PLSCR5: variants seen among roughly 807,000 people sequenced by gnomAD.
The protein encoded by PLSCR5 is phospholipid scramblase family, member 5.
A neutral mutation model predicts 33.6 loss-of-function variants in PLSCR5; 44 were observed. The observed-to-expected ratio is 1.31, with a 90% confidence interval of 1.03 to 1.69. The LOEUF is 1.69. Ranked by LOEUF, PLSCR5 falls within the 40% of genes most tolerant of loss-of-function variation. The pLI, the probability that PLSCR5 is intolerant of heterozygous loss-of-function variation, is 0.00. For synonymous variants in PLSCR5, 148 were observed against 112.3 expected (o/e 1.32, Z -2.01); for missense variants, 375 against 318.7 (o/e 1.18, Z -1.34).
At chr3:146,593,534 C>T (rs867570311) in intron 4 of PLSCR5, among the ~76,000 whole-genome samples, 10 of 152,076 alleles carry the variant, frequency 6.6e-5, no homozygotes, top group Non-Finnish European at 1.3e-4. Context: ...CAAGAGGATA[C>T]CTTAGAGGAG....
chr3:146,590,948 A>G (rs929750122), intron 5 of PLSCR5, among the ~76,000 whole-genome samples: 3 of 149,460 alleles, frequency 2.0e-5, no homozygotes, highest in Admixed American at 6.7e-5. Flanking sequence ...ACAACTTTCT[A>G]TTTTTTAAAT....
Position 146,585,928 on chromosome 3 carries a change from G to A in PLSCR5, c.*59C>T. ...TCAAACCATTCAGAAATGAAATCCA[G>A]AGCCCAAGGGATTTCTAGAAGAAAA... On this transcript the variant is annotated 3_prime_UTR_variant, in exon 8 of 8. Coordinates refer to ENST00000443512, the MANE Select transcript of PLSCR5 (RefSeq NM_001085420.2). 1 of 807,110 alleles carries A rather than the reference G, an allele frequency of 1.2e-6. No individual in the cohort carries two copies. Among genetic ancestry groups the A allele is most frequent in the South Asian group, 2.3e-5 (1 of 44,312 alleles). The allele number at this position is 807,110 out of a possible 1,614,324, so 50.0% of individuals were successfully genotyped here.
intron 1 of PLSCR5, among the ~76,000 whole-genome samples, chr3:146,603,355 A>G (rs937916617): frequency 3.3e-5 from 5 of 152,138 alleles, no homozygotes; most frequent in African/African-American, 1.2e-4. Context: ...CCTCTTAAAC[A>G]AGATATCTAA....
At position 146,594,230 on chromosome 3, in the gene PLSCR5, G is replaced by A. The variant is rs542121401; in HGVS notation, c.233-90C>T. 7.2e-4 allele frequency: 640 copies of A among 888,574 alleles called. 5 individuals carry two copies. Among genetic ancestry groups the A allele is most frequent in the Middle Eastern group, 5.5e-3 (16 of 2,884 alleles). 55.0% of individuals were successfully genotyped at this position (888,574 alleles called of 1,614,324 possible). On this transcript the variant is annotated intron_variant, in intron 3 of 7. Coordinates refer to ENST00000443512, the MANE Select transcript of PLSCR5 (RefSeq NM_001085420.2). ...GGGGAGATGTTATTAAAAGAATACAGTGTCTGATCAATTATTAAATATATG... is the reference window on the plus strand; with the variant it reads ...GGGGAGATGTTATTAAAAGAATACAATGTCTGATCAATTATTAAATATATG...
intron 2 of PLSCR5, among the ~76,000 whole-genome samples, chr3:146,598,567 A>T (rs566479252): frequency 6.6e-6 from 1 of 152,342 alleles, no homozygotes; most frequent in East Asian, 1.9e-4. Flanking sequence ...TATTGAACAC[A>T]ACAAAAATGT....
At chr3:146,577,466 A>G (rs2044605813) in intron 7 of PLSCR5, among the ~76,000 whole-genome samples, 1 of 152,136 alleles carries the variant, frequency 6.6e-6, no homozygotes, top group Admixed American at 6.6e-5. Context: ...CTGATGGTTT[A>G]GCTCTTAAAT....
At chr3:146,593,253 G>C (rs2107853585) in intron 4 of PLSCR5, among the ~76,000 whole-genome samples, 1 of 152,198 alleles carries the variant, frequency 6.6e-6, no homozygotes, top group South Asian at 2.1e-4. Flanking sequence ...CTAGCTCCTA[G>C]AGATTTCATG....
intron 7 of PLSCR5, among the ~76,000 whole-genome samples, chr3:146,578,715 G>C (rs1201999164): frequency 6.6e-6 from 1 of 151,880 alleles, no homozygotes; most frequent in African/African-American, 2.4e-5. Context: ...TTAATGCTAG[G>C]CTTTATATAT....
At chr3:146,600,916 C>A (rs1001559545) in intron 1 of PLSCR5, among the ~76,000 whole-genome samples, 2 of 147,590 alleles carry the variant, frequency 1.4e-5, no homozygotes, top group Non-Finnish European at 3.0e-5. Context: ...ACATACAAAT[C>A]GATGTTACTT....
chr3:146,594,661 T>G (rs2044743279), intron 3 of PLSCR5, among the ~76,000 whole-genome samples: 1 of 152,124 alleles, frequency 6.6e-6, no homozygotes, highest in Non-Finnish European at 1.5e-5. Context: ...TGTAGATTCT[T>G]AAATAATTTG....
At chr3:146,598,801 T>C (rs2044785037) in intron 2 of PLSCR5, among the ~76,000 whole-genome samples, 1 of 152,212 alleles carries the variant, frequency 6.6e-6, no homozygotes, top group Admixed American at 6.5e-5. Flanking sequence ...GATGGTAGGT[T>C]TGCGTTTCCA....
intron 2 of PLSCR5, among the ~76,000 whole-genome samples, chr3:146,600,083 A>G (rs1222413724): frequency 6.6e-6 from 1 of 152,210 alleles, no homozygotes. Context: ...ATAAATAAGG[A>G]AGATAAAAGT....
chr3:146,578,944 G>GT (rs1184074388), intron 7 of PLSCR5, among the ~76,000 whole-genome samples: 1 of 151,656 alleles, frequency 6.6e-6, no homozygotes, highest in Non-Finnish European at 1.5e-5. Flanking sequence ...AGTTACTATG[G>GT]TTTTTTCCAT....
In PLSCR5 at chr3:146,577,758, A is replaced by G. The variant is rs138391938; in HGVS notation, c.*45-1033T>C. Among the ~76,000 whole-genome samples, 780 of 152,240 alleles carry G rather than the reference A, an allele frequency of 5.1e-3. 5 individuals carry two copies. Among genetic ancestry groups the G allele is most frequent in the African/African-American group, 0.018 (744 of 41,556 alleles). The stretch of plus-strand genomic sequence containing the variant: ...TTTTACCCTTCTACACACAAAATTG[A>G]TGTGTTTTATTTCCCAGATTACAGA... On this transcript the variant is annotated intron_variant, in intron 7 of 7. Transcript: ENST00000482567.
chr3:146,582,139 G>A (rs1164957153), downstream of PLSCR5, among the ~76,000 whole-genome samples: 1 of 152,224 alleles, frequency 6.6e-6, no homozygotes, highest in Non-Finnish European at 1.5e-5. Context: ...CCCTCACAGA[G>A]AGTAGGTAGG....
At chr3:146,580,738 T>C (rs112828112) in intron 7 of PLSCR5, among the ~76,000 whole-genome samples, 5,539 of 152,256 alleles carry the variant, frequency 0.036, 117 homozygotes, top group Non-Finnish European at 0.049. Flanking sequence ...GCTGGGATTA[T>C]AGGCGTGAGC....
At chr3:146,600,070 CAAAT>C (rs1288685570) in intron 2 of PLSCR5, among the ~76,000 whole-genome samples, 1 of 151,812 alleles carries the variant, frequency 6.6e-6, no homozygotes, top group African/African-American at 2.4e-5. Context: ...ATCATTCTGT[CAAAT>C]AAATAAGGAA....
downstream of PLSCR5, among the ~76,000 whole-genome samples, chr3:146,582,411 A>T (rs2044638177): frequency 6.6e-6 from 1 of 152,216 alleles, no homozygotes; most frequent in South Asian, 2.1e-4. Flanking sequence ...GCACACTAGG[A>T]GGACAGAGTG....
chr3:146,576,740 G>A (rs904862115), intron 7 of PLSCR5: 1 of 148,756 alleles, frequency 6.7e-6, no homozygotes, highest in African/African-American at 2.4e-5. Context: ...AAAATAAGAT[G>A]ATATCATTAT....
Sources: gnomAD v4.1 joint callset for allele counts (sites outside exome capture counted in the v4.1 genomes callset) on GRCh38, gnomAD v4.1.1 for gene constraint, MANE v1.5 for transcripts, NCBI Gene and HGNC (gene_info 2026-07-23, HGNC 2026-07-21) for gene names.